The following ZBTB20 variants were observed in gnomAD, a reference collection of about 807,000 sequenced individuals.
ZBTB20 encodes zinc finger and BTB domain containing 20, also known as zinc finger and BTB domain-containing protein 20.
In ZBTB20, 9 loss-of-function variants were observed where a neutral mutation model predicts 56.9. The observed-to-expected ratio is 0.16, with a 90% CI of 0.10 to 0.28. The LOEUF is 0.28. Among genes scored for constraint, ZBTB20 ranks in the 10% least tolerant of loss-of-function variants. The pLI, the probability that ZBTB20 is intolerant of heterozygous loss-of-function variation, is 1.00. For missense variants in ZBTB20, 655 were observed against 1,003.0 expected (o/e 0.65, Z 4.69); for synonymous variants, 417 against 420.7 (o/e 0.99, Z 0.11).
At chr3:115,106,580 C>T (rs2083730386) in intron 1 of ZBTB20, among the ~76,000 whole-genome samples, 1 of 152,116 alleles carries the variant, frequency 6.6e-6, no homozygotes, top group South Asian at 2.1e-4. Context: ...AAAATTGTAT[C>T]CCATCGGGCC....
rs1401589417 is a variant in ZBTB20, at chr3:114,389,112, C to T, written c.-254-7G>A. On this transcript the variant is annotated splice_region_variant and splice_polypyrimidine_tract_variant and intron_variant, in intron 7 of 11. Coordinates refer to ENST00000675478, the MANE Select transcript of ZBTB20 (RefSeq NM_001348800.3). ...GAGCAGAGAGCGGCTGCATCTAGAT[C>T]AGACAAAAAACAAAAATAAGGTTGT... The T allele has an allele frequency of 6.6e-6, 1 of 152,050 alleles. No homozygotes were observed. The highest frequency in any genetic ancestry group is 6.6e-5 in the Admixed American group (1 of 15,266). 9.4% of individuals were successfully genotyped at this position (152,050 alleles called of 1,614,324 possible). A position where few individuals can be genotyped will look rare whatever the true frequency, so the allele number is the denominator to read the frequency against.
chr3:115,008,213 A>G (rs2079554559), intron 2 of ZBTB20, among the ~76,000 whole-genome samples: 1 of 151,902 alleles, frequency 6.6e-6, no homozygotes, highest in Non-Finnish European at 1.5e-5. Flanking sequence ...AACTTATGAC[A>G]TATCAAACTG....
intron 4 of ZBTB20, among the ~76,000 whole-genome samples, chr3:114,835,364 C>A (rs775619198): frequency 3.3e-5 from 5 of 152,046 alleles, no homozygotes; most frequent in Non-Finnish European, 7.4e-5. Context: ...TATTTCCCAG[C>A]AGCTGGTGTC....
intron 6 of ZBTB20, among the ~76,000 whole-genome samples, chr3:114,620,398 T>G (rs2058241332): frequency 6.6e-6 from 1 of 152,156 alleles, no homozygotes; most frequent in Non-Finnish European, 1.5e-5. Context: ...GTTCTAGCGA[T>G]TCTCCTGCCT....
chr3:114,659,101 G>T (rs2060575709), intron 6 of ZBTB20, among the ~76,000 whole-genome samples: 1 of 152,114 alleles, frequency 6.6e-6, no homozygotes, highest in African/African-American at 2.4e-5. Flanking sequence ...CTTCCTTGTA[G>T]TAATTTCACA....
intron 4 of ZBTB20, among the ~76,000 whole-genome samples, chr3:114,863,552 G>T (rs138735483): frequency 7.2e-5 from 11 of 152,218 alleles, no homozygotes; most frequent in Admixed American, 2.0e-4. Flanking sequence ...GGAAATCACT[G>T]CTTCCAGGGC....
chr3:114,401,790 G>GA (rs1400501485), intron 7 of ZBTB20, among the ~76,000 whole-genome samples: 1 of 152,050 alleles, frequency 6.6e-6, no homozygotes, highest in African/African-American at 2.4e-5. Context: ...AATGATTTTT[G>GA]AAAAATCACA....
In ZBTB20 at chr3:114,850,345, T is replaced by C. The variant is rs77227363; in HGVS notation, c.-416-49171A>G. On this transcript the variant is annotated intron_variant, in intron 4 of 11. Coordinates refer to ENST00000675478, the MANE Select transcript of ZBTB20 (RefSeq NM_001348800.3). ...ACCAAAATATAAACAGGATTTTTCA[T>C]AGGGAGTAGATGGTGTGTTCATAGC... Among the ~76,000 whole-genome samples, 795 of 152,298 alleles carry C rather than the reference T, an allele frequency of 5.2e-3. 29 individuals carry two copies. The East Asian group carries it at 0.081, about 16-fold the overall frequency.
chr3:114,446,837 G>C (rs1217655835), intron 7 of ZBTB20, among the ~76,000 whole-genome samples: 1 of 152,124 alleles, frequency 6.6e-6, no homozygotes, highest in Non-Finnish European at 1.5e-5. Context: ...TTTTAAAAAT[G>C]CTATTTCTTT....
chr3:114,720,665 T>C (rs2064852303), intron 5 of ZBTB20, among the ~76,000 whole-genome samples: 1 of 152,044 alleles, frequency 6.6e-6, no homozygotes, highest in South Asian at 2.1e-4. Flanking sequence ...AGTAACTTTT[T>C]TGGAAAAAAA....
chr3:115,017,992 T>G (rs1232189984), intron 2 of ZBTB20, among the ~76,000 whole-genome samples: 2 of 151,618 alleles, frequency 1.3e-5, no homozygotes, highest in African/African-American at 2.4e-5. Context: ...TTTCAATGAC[T>G]TCTTCCAAAT....
chr3:114,511,244 C>T (rs1416727995), intron 6 of ZBTB20, among the ~76,000 whole-genome samples: 5 of 151,662 alleles, frequency 3.3e-5, no homozygotes. Flanking sequence ...CATAGAAATA[C>T]ATCCTGGCCA....
intron 6 of ZBTB20, among the ~76,000 whole-genome samples, chr3:114,655,666 A>C (rs900136352): frequency 1.1e-4 from 16 of 152,296 alleles, no homozygotes; most frequent in Non-Finnish European, 8.8e-5. Flanking sequence ...TAAGGATTAC[A>C]ATATGCCTCT....
At chr3:114,907,420 A>G (rs943545900) in intron 3 of ZBTB20, among the ~76,000 whole-genome samples, 3 of 151,884 alleles carry the variant, frequency 2.0e-5, no homozygotes, top group African/African-American at 7.2e-5. Context: ...CTGTGTACGT[A>G]TATGTGTGTA....
intron 6 of ZBTB20, among the ~76,000 whole-genome samples, chr3:114,666,338 T>G (rs1050429589): frequency 5.3e-5 from 8 of 152,022 alleles, no homozygotes; most frequent in African/African-American, 1.4e-4. Context: ...TCACCTGATA[T>G]AAACCATAAT....
chr3:114,771,472 C>T (rs969939398), intron 5 of ZBTB20, among the ~76,000 whole-genome samples: 2 of 152,068 alleles, frequency 1.3e-5, no homozygotes, highest in Non-Finnish European at 2.9e-5. Context: ...CCTGTTTTTA[C>T]TTGGGAAATT....
At chr3:114,541,600 T>C (rs1334178609) in intron 6 of ZBTB20, among the ~76,000 whole-genome samples, 2 of 152,110 alleles carry the variant, frequency 1.3e-5, no homozygotes, top group Non-Finnish European at 2.9e-5. Context: ...AGCCATCCCC[T>C]AGAGAAGGAA....
chr3:114,892,587 GATCTGGAGTGCTTT>G (rs2076856014), intron 4 of ZBTB20, among the ~76,000 whole-genome samples: 1 of 152,172 alleles, frequency 6.6e-6, no homozygotes, highest in African/African-American at 2.4e-5. Context: ...TGGGATATAA[GATCTGGAGTGCTTT>G]ATCTGCTCCA....
intron 5 of ZBTB20, among the ~76,000 whole-genome samples, chr3:114,707,303 C>G (rs758546331): frequency 1.2e-4 from 19 of 152,106 alleles, no homozygotes; most frequent in Non-Finnish European, 5.9e-5. Context: ...TTTTTGCTAA[C>G]CAAATATGTG....
Sources: allele counts gnomAD v4.1 joint callset (sites outside exome capture counted in the v4.1 genomes callset), GRCh38; gene constraint gnomAD v4.1.1; transcripts MANE v1.5; gene names NCBI Gene and HGNC (gene_info 2026-07-23, HGNC 2026-07-21).